The following ZNF844 variants were observed in gnomAD, a reference collection of about 807,000 sequenced individuals.
ZNF844 encodes zinc finger protein 844.
A neutral mutation model predicts 11.4 loss-of-function variants in ZNF844; 11 were observed. The observed-to-expected ratio is 0.97, with a 90% confidence interval of 0.61 to 1.60. The LOEUF is 1.60. Among genes scored for constraint, ZNF844 ranks in the 40% most tolerant of loss-of-function variants. The pLI, the probability that ZNF844 is intolerant of heterozygous loss-of-function variation, is 0.00. For missense variants in ZNF844, 790 were observed against 796.8 expected (o/e 0.99, Z 0.10); for synonymous variants, 248 against 260.3 (o/e 0.95, Z 0.46).
rs1975817480 is a variant in ZNF844, at chr19:12,076,350, G to A, written c.1230G>A (p.Met410Ile). 3 of 1,613,490 alleles carry A rather than the reference G, an allele frequency of 1.9e-6. No individual in the cohort carries two copies. Among genetic ancestry groups the A allele is most frequent in the Non-Finnish European group, 2.5e-6 (3 of 1,179,606 alleles). ...PSIVPVPFTI[M>I]KGLTLERNPM... ...TCGTTCCAGTTCCTTTCACTATCAT[G>A]AAAGGACTCACACTGGAGAGAAACC... The change falls in exon 4 of 4, where the codon ATG becomes ATA. Residue 410 changes from methionine to isoleucine, a missense_variant. Met to Ile is a conservative substitution (Grantham distance 10). Around this residue, in one of 3 missense-constraint regions of ZNF844, gnomAD observed 657 missense variants for 636.2 expected, o/e 1.03. Coordinates refer to ENST00000439326, the MANE Select transcript of ZNF844 (RefSeq NM_001136501.3).
chr19:12,070,086 C>T lies in ZNF844; in HGVS notation c.4-3945C>T, dbSNP rs1194010161. 4.1e-5 allele frequency: 6 copies of T among 147,126 alleles called. 1 individual carries two copies. The highest frequency in any genetic ancestry group is 1.5e-4 in the African/African-American group (6 of 39,800). The allele number at this position is 147,126 out of a possible 1,614,324, so 9.1% of individuals were successfully genotyped here. ...CTGCCTGGGCAATATAATGAGACCC[C>T]GTTCTCCACAAAAAGGAAAAAAAAA... On this transcript the variant is annotated intron_variant, in intron 1 of 3. Coordinates refer to ENST00000439326, the MANE Select transcript of ZNF844 (RefSeq NM_001136501.3).
intron 1 of ZNF844, among the ~76,000 whole-genome samples, chr19:12,067,987 A>AGAAG (rs1270810363): frequency 5.4e-4 from 13 of 24,190 alleles, no homozygotes; most frequent in African/African-American, 1.6e-3. Flanking sequence ...AAGGAAGGAA[A>AGAAG]GAAAATTAAA....
rs1555717807 is a variant in ZNF844, at chr19:12,067,983, G to GGAAA, written c.3+3112_3+3115dup. Among the ~76,000 whole-genome samples the GGAAA allele has an allele frequency of 2.7e-3, 349 of 129,284 alleles. 7 individuals are homozygous for GGAAA. Among genetic ancestry groups the GGAAA allele is most frequent in the African/African-American group, 0.011 (334 of 29,370 alleles). The allele number at this position is 129,284 out of a possible 152,430, so 84.8% of individuals were successfully genotyped here. On this transcript the variant is annotated intron_variant, in intron 1 of 3. Transcript: ENST00000439326. The stretch of plus-strand genomic sequence containing the variant: ...AAGAAGGAAGGAAGGAAGGAAGGAA[G>GGAAA]GAAAGAAAATTAAAAATTAATTTAA...
rs1386600762 is a variant in ZNF844, at chr19:12,079,107, C to T, written c.*1986C>T. 3.3e-5 allele frequency: 5 copies of T among 152,198 alleles called. No individual in the cohort carries two copies. Among genetic ancestry groups the T allele is most frequent in the African/African-American group, 4.8e-5 (2 of 41,422 alleles). The allele number at this position is 152,198 out of a possible 1,614,324, so 9.4% of individuals were successfully genotyped here. A position where few individuals can be genotyped will look rare whatever the true frequency, so the allele number is the denominator to read the frequency against. On this transcript the variant is annotated 3_prime_UTR_variant, in exon 4 of 4. Coordinates refer to ENST00000439326, the MANE Select transcript of ZNF844 (RefSeq NM_001136501.3). Reference sequence around the variant, plus strand: ...TCAGGTGATCCACCTGCCTCAGCCTCCCAAAGTGCTGTGCATACAGGCATG... The same window carrying T: ...TCAGGTGATCCACCTGCCTCAGCCTTCCAAAGTGCTGTGCATACAGGCATG...
At position 12,080,206 on chromosome 19, in the gene ZNF844, T is replaced by C. The variant is rs1378506946; in HGVS notation, c.*3085T>C. On this transcript the variant is annotated 3_prime_UTR_variant, in exon 4 of 4. Coordinates refer to ENST00000439326, the MANE Select transcript of ZNF844 (RefSeq NM_001136501.3). ...TACTAAAAAATACAAAAAAACTAGCTGGGCGTGGTGGTGGGCGCCTGTAGT... is the reference window on the plus strand; with the variant it reads ...TACTAAAAAATACAAAAAAACTAGCCGGGCGTGGTGGTGGGCGCCTGTAGT... The C allele has an allele frequency of 2.1e-5, 4 of 193,746 alleles. No homozygotes were observed. The highest frequency in any genetic ancestry group is 7.2e-5 in the African/African-American group (3 of 41,616). 12.0% of individuals were successfully genotyped at this position (193,746 alleles called of 1,614,324 possible). A position where few individuals can be genotyped will look rare whatever the true frequency, so the allele number is the denominator to read the frequency against.
Position 12,077,280 on chromosome 19 carries a change from A to G in ZNF844, c.*159A>G, listed in dbSNP as rs1289924597. 7.8e-7 allele frequency: 1 copy of G among 1,288,092 alleles called. No homozygotes were observed. Among genetic ancestry groups the G allele is most frequent in the Non-Finnish European group, 1.1e-6 (1 of 886,900 alleles). The allele number at this position is 1,288,092 out of a possible 1,614,324, so 79.8% of individuals were successfully genotyped here. A position where few individuals can be genotyped will look rare whatever the true frequency, so the allele number is the denominator to read the frequency against. ...CATTCGTAGACATGAAAGGACTCACACTGGAGAGAAACCCTATGAGTGTAA... is the reference window on the plus strand; with the variant it reads ...CATTCGTAGACATGAAAGGACTCACGCTGGAGAGAAACCCTATGAGTGTAA... On this transcript the variant is annotated 3_prime_UTR_variant, in exon 4 of 4. Transcript: ENST00000439326.
At chr19:12,068,705 G>A (rs1180472481) in intron 1 of ZNF844, among the ~76,000 whole-genome samples, 1 of 152,186 alleles carries the variant, frequency 6.6e-6, no homozygotes, top group African/African-American at 2.4e-5. Flanking sequence ...CCACAAATGT[G>A]TGTATTGTCT....
intron 2 of ZNF844, 21 bp from the exon 3 acceptor site, chr19:12,074,340 T>G: frequency 2.6e-6 from 4 of 1,511,946 alleles, no homozygotes; most frequent in Non-Finnish European, 3.5e-6. Flanking sequence ...TCAGGATTCT[T>G]TTTCTGATTC....
At chr19:12,071,236 T>C (rs1975749715) in intron 1 of ZNF844, among the ~76,000 whole-genome samples, 1 of 152,224 alleles carries the variant, frequency 6.6e-6, no homozygotes, top group African/African-American at 2.4e-5. Context: ...CTGCAGTATT[T>C]TAATTGCTTA....
chr19:12,079,946 CAAAAAA>C lies in ZNF844; in HGVS notation c.*2840_*2845del, dbSNP rs34875421. The C allele has an allele frequency of 6.4e-4, 53 of 82,836 alleles. No individual in the cohort carries two copies. Among genetic ancestry groups the C allele is most frequent in the African/African-American group, 1.9e-3 (52 of 27,764 alleles). The allele number at this position is 82,836 out of a possible 1,614,324, so 5.1% of individuals were successfully genotyped here. A position where few individuals can be genotyped will look rare whatever the true frequency, so the allele number is the denominator to read the frequency against. On this transcript the variant is annotated 3_prime_UTR_variant, in exon 4 of 4. Transcript: ENST00000439326. Reference sequence around the variant, plus strand: ...GGGCAACAAGAGTGAAACTCCATCTCAAAAAAAAAAAAAAAAAAAATTGAGGAAGCA... The same window carrying C: ...GGGCAACAAGAGTGAAACTCCATCTCAAAAAAAAAAAAAATTGAGGAAGCA...
chr19:12,072,275 A>G (rs950573993), intron 1 of ZNF844, among the ~76,000 whole-genome samples: 2 of 152,180 alleles, frequency 1.3e-5, no homozygotes, highest in African/African-American at 4.8e-5. Flanking sequence ...CATGCATACC[A>G]CGTTTTCTTT....
chr19:12,066,053 ACCCT>A (rs949124154), intron 1 of ZNF844, among the ~76,000 whole-genome samples: 8 of 151,480 alleles, frequency 5.3e-5, no homozygotes, highest in African/African-American at 1.9e-4. Context: ...GTGCTGCCTC[ACCCT>A]CCCGAGTAGC....
At chr19:12,065,906 A>G (rs1363403857) in intron 1 of ZNF844, among the ~76,000 whole-genome samples, 1 of 151,920 alleles carries the variant, frequency 6.6e-6, no homozygotes, top group Non-Finnish European at 1.5e-5. Context: ...AAGGGCTAGG[A>G]TTACAGGCGT....
intron 2 of ZNF844, 83 bp from the exon 3 acceptor site, chr19:12,074,278 T>C (rs1363851037): frequency 6.6e-7 from 1 of 1,516,410 alleles, no homozygotes; most frequent in African/African-American, 1.4e-5. Context: ...GGTATGGCTC[T>C]AATGTCCCGT....
rs376297257 is a variant in ZNF844 at position 12,079,061 on chromosome 19, G to T, written c.*1940G>T. 8.4e-4 allele frequency: 127 copies of T among 151,914 alleles called. 3 individuals carry two copies. The South Asian group carries it at 0.011, about 13-fold the overall frequency. 9.4% of individuals were successfully genotyped at this position (151,914 alleles called of 1,614,324 possible). ...GACGGGGCTTCACTATGTTGGCCAG[G>T]TTCGTCTCGAACTCCTGACCTCAGG... On this transcript the variant is annotated 3_prime_UTR_variant, in exon 4 of 4. Coordinates refer to ENST00000439326, the MANE Select transcript of ZNF844 (RefSeq NM_001136501.3).
At position 12,077,673 on chromosome 19, in the gene ZNF844, C is replaced by T. The variant is rs1296806549; in HGVS notation, c.*552C>T. 2.0e-6 allele frequency: 1 copy of T among 507,994 alleles called. No homozygotes were observed. The highest frequency in any genetic ancestry group is 2.0e-5 in the African/African-American group (1 of 50,566). 31.5% of individuals were successfully genotyped at this position (507,994 alleles called of 1,614,324 possible). ...TGGGAAAGCCTACAGATCTGTCTCA[C>T]AACTTCTGGTGCATGAAAGGACTCA... On this transcript the variant is annotated 3_prime_UTR_variant, in exon 4 of 4. Transcript: ENST00000439326.
At chr19:12,069,088 G>A (rs561525502) in intron 1 of ZNF844, among the ~76,000 whole-genome samples, 2 of 152,090 alleles carry the variant, frequency 1.3e-5, no homozygotes, top group African/African-American at 4.8e-5. Context: ...GCCTTTCTGA[G>A]GCTAGTTGTC....
In ZNF844 at chr19:12,069,179, C is replaced by CTT. The variant is rs748342323; in HGVS notation, c.3+4323_3+4324dup. Among the ~76,000 whole-genome samples the CTT allele has an allele frequency of 2.4e-3, 294 of 120,778 alleles. 7 individuals are homozygous for CTT. The highest frequency in any genetic ancestry group is 4.9e-3 in the African/African-American group (144 of 29,318). The allele number at this position is 120,778 out of a possible 152,430, so 79.2% of individuals were successfully genotyped here. ...GACTTTTCTTTTTATTCTTTTATTC[C>CTT]TTTTTTTTTTTTTTTTTTTTTGAGA... On this transcript the variant is annotated intron_variant, in intron 1 of 3. Coordinates refer to ENST00000439326, the MANE Select transcript of ZNF844 (RefSeq NM_001136501.3).
At chr19:12,066,645 C>G (rs577750194) in intron 1 of ZNF844, among the ~76,000 whole-genome samples, 98 of 147,272 alleles carry the variant, frequency 6.7e-4, no homozygotes, top group South Asian at 2.2e-3. Flanking sequence ...CTCCCGGGTT[C>G]ACGCCATTCT....
Sources: allele counts gnomAD v4.1 joint callset (sites outside exome capture counted in the v4.1 genomes callset), GRCh38; gene constraint gnomAD v4.1.1; regional missense constraint gnomAD v4.1.1; transcripts MANE v1.5; gene names NCBI Gene and HGNC (gene_info 2026-07-23, HGNC 2026-07-21).